The following AURKA variants were observed in gnomAD, a reference collection of about 807,000 sequenced individuals.
The protein encoded by AURKA is aurora 2.
A neutral mutation model predicts 40.9 loss-of-function variants in AURKA; 12 were observed. That is an observed-to-expected ratio of 0.29 (90% CI 0.19 to 0.48). The LOEUF (loss-of-function observed/expected upper bound fraction) is 0.48, where lower values mean the gene tolerates loss of function less well. Ranked by LOEUF, AURKA falls within the 20% of genes least tolerant of loss-of-function variation. The pLI is 0.99. For synonymous variants in AURKA, 170 were observed against 164.3 expected, an observed-to-expected ratio of 1.03 and a Z score of -0.26; for missense variants, 322 against 462.1, an observed-to-expected ratio of 0.70 and a Z score of 2.78.
chr20:56,389,954 A>G (rs566640302), intron 1 of AURKA, among the ~76,000 whole-genome samples: 24 of 152,038 alleles, frequency 1.6e-4, no homozygotes, highest in African/African-American at 5.6e-4. Context: ...CAGCCTCCCA[A>G]TGGCCTCCCC....
Position 56,373,621 on chromosome 20 carries a change from C to A in AURKA, c.706-65G>T. The A allele has an allele frequency of 1.9e-6, 3 of 1,572,002 alleles. No individual in the cohort carries two copies. The highest frequency in any genetic ancestry group is 1.7e-6 in the Non-Finnish European group (2 of 1,144,258). Reference sequence around the variant, plus strand: ...TATAACACAAGTTAATATTAGACATCTCTTCCGAAAGGAACACAACATAGA... The same window carrying A: ...TATAACACAAGTTAATATTAGACATATCTTCCGAAAGGAACACAACATAGA... On this transcript the variant is annotated intron_variant, in intron 6 of 8. Transcript: ENST00000395915. This position sits in a 1 kb window ranked among gnomAD's most constrained non-coding sequence, Gnocchi z 5.0.
intron 1 of AURKA, among the ~76,000 whole-genome samples, chr20:56,391,759 C>T (rs971613277): frequency 6.6e-6 from 1 of 152,106 alleles, no homozygotes; most frequent in Non-Finnish European, 1.5e-5. Context: ...TCTGTAACAC[C>T]CACCCCAGCT....
Position 56,373,591 on chromosome 20 carries a change from T to C in AURKA, c.706-35A>G. ...CAATATTGAAAGCCTATGTTTTAGA[T>C]TTTATATAACACAAGTTAATATTAG... is the stretch of plus-strand genomic sequence containing the variant. On this transcript the variant is annotated intron_variant, in intron 6 of 8. Coordinates refer to ENST00000395915, the MANE Select transcript of AURKA (RefSeq NM_198437.3). This position sits in a 1 kb window ranked among gnomAD's most constrained non-coding sequence, Gnocchi z 5.0. 1 of 1,603,166 alleles carries C rather than the reference T, an allele frequency of 6.2e-7. No individual in the cohort carries two copies. Among genetic ancestry groups the C allele is most frequent in the Non-Finnish European group, 8.5e-7 (1 of 1,170,174 alleles).
At chr20:56,386,589 T>A (rs574092335) in intron 2 of AURKA, 56 bp from the exon 3 acceptor site, 1 of 1,597,120 alleles carries the variant, frequency 6.3e-7, no homozygotes, top group African/African-American at 1.3e-5. Context: ...AAGATGAATA[T>A]ATTGAGAATT....
chr20:56,377,596 G>C (rs2146163251), intron 6 of AURKA, among the ~76,000 whole-genome samples: 1 of 152,190 alleles, frequency 6.6e-6, no homozygotes, highest in African/African-American at 2.4e-5. Context: ...AGACCATCCT[G>C]GCCAACATGG....
At position 56,383,173 on chromosome 20, in the gene AURKA, C is replaced by T. The variant is rs1456483466; in HGVS notation, c.378G>A (p.Arg126=). 8 of 1,614,086 alleles carry T rather than the reference C, an allele frequency of 5.0e-6. No individual in the cohort carries two copies. Among genetic ancestry groups the T allele is most frequent in the Non-Finnish European group, 6.8e-6 (8 of 1,179,994 alleles). The change falls in exon 5 of 9, where the codon AGG becomes AGA. Residue 126 remains arginine (R), a synonymous_variant. Transcript: ENST00000395915. The part of the protein sequence containing the change: ...SKQKNEESKK[R]QWALEDFEIG... ...TTTCAAAGTCTTCCAAAGCCCACTGCCTCCTAGGAGGAATTTGAACACTTT... is the reference window on the plus strand; with the variant it reads ...TTTCAAAGTCTTCCAAAGCCCACTGTCTCCTAGGAGGAATTTGAACACTTT...
chr20:56,375,335 C>G (rs1405020920), intron 6 of AURKA, among the ~76,000 whole-genome samples: 1 of 130,286 alleles, frequency 7.7e-6, no homozygotes, highest in Non-Finnish European at 1.6e-5. Context: ...TTTGTAGAGA[C>G]AGTCTCCCCA....
chr20:56,381,017 G>A (rs372856439), intron 6 of AURKA, among the ~76,000 whole-genome samples: 4 of 152,056 alleles, frequency 2.6e-5, no homozygotes, highest in East Asian at 3.9e-4. Flanking sequence ...GTACAATGGT[G>A]TGCACCTGTA....
rs528881623 is a variant in AURKA, at chr20:56,389,386, G to A, written c.-5-1184C>T. Among the ~76,000 whole-genome samples, 7 of 152,246 alleles carry A rather than the reference G, an allele frequency of 4.6e-5. No homozygotes were observed. The South Asian group carries it at 1.4e-3, about 32-fold the overall frequency. On this transcript the variant is annotated intron_variant, in intron 1 of 8. Coordinates refer to ENST00000395915, the MANE Select transcript of AURKA (RefSeq NM_198437.3). ...CAGGATCTCCCAAAAATGTCTGCCAGGCACCTCAATCCTAACATATCCAAA... is the reference window on the plus strand; with the variant it reads ...CAGGATCTCCCAAAAATGTCTGCCAAGCACCTCAATCCTAACATATCCAAA...
At chr20:56,378,198 G>A (rs999308164) in intron 6 of AURKA, among the ~76,000 whole-genome samples, 3 of 152,032 alleles carry the variant, frequency 2.0e-5, no homozygotes, top group East Asian at 1.9e-4. Context: ...ATCAAATGTT[G>A]GCAACTATGA....
In AURKA at chr20:56,370,293, G is replaced by T. The variant is rs959976609; in HGVS notation, c.1077C>A (p.Leu359=). 6 of 1,614,210 alleles carry T rather than the reference G, an allele frequency of 3.7e-6. No individual in the cohort carries two copies. Among genetic ancestry groups the T allele is most frequent in the East Asian group, 4.5e-5 (2 of 44,888 alleles). ...PDFVTEGARD[L]ISRLLKHNPS... is the part of the protein sequence containing the mutation. ...GATTATGCTTCAACAGTCTTGAAAT[G>T]AGGTCCCTGGCTCCCTCTGTTACAA... Residue 359 remains leucine (L), a synonymous_variant, in exon 9 of 9, where the codon CTC becomes CTA. Coordinates refer to ENST00000395915, the MANE Select transcript of AURKA (RefSeq NM_198437.3).
Position 56,369,737 on chromosome 20 carries a change from C to G in AURKA, c.*421G>C. 1 of 367,646 alleles carries G rather than the reference C, an allele frequency of 2.7e-6. No individual in the cohort carries two copies. Among genetic ancestry groups the G allele is most frequent in the Non-Finnish European group, 5.1e-6 (1 of 196,526 alleles). 22.8% of individuals were successfully genotyped at this position (367,646 alleles called of 1,614,324 possible). On this transcript the variant is annotated 3_prime_UTR_variant, in exon 9 of 9. Coordinates refer to ENST00000395915, the MANE Select transcript of AURKA (RefSeq NM_198437.3). ...ATTCCAACAGCTTTACCAGGCTTCG[C>G]CAACCCAATAAGTTACACACTCACT... is the stretch of plus-strand genomic sequence containing the variant.
At chr20:56,390,302 G>A (rs1266619017) in intron 1 of AURKA, among the ~76,000 whole-genome samples, 1 of 147,714 alleles carries the variant, frequency 6.8e-6, no homozygotes, top group African/African-American at 2.6e-5. Flanking sequence ...TCATTTCACT[G>A]AGGTTTCTTT....
Position 56,386,322 on chromosome 20 carries a change from G to C in AURKA, c.254C>G (p.Pro85Arg). ...ATTCAGTGGCCTGGAGACAGGATGA[G>C]GTACACTGGTTGCCTGCAATTGCTT... ...KQKQLQATSV[P>R]HPVSRPLNNT... Residue 85 changes from proline (P) to arginine (R), a missense_variant, in exon 3 of 9, where the codon CCT becomes CGT. By Grantham distance (103) the Pro-to-Arg change is moderately radical (BLOSUM62 -2). Transcript: ENST00000395915. The C allele has an allele frequency of 6.2e-7, 1 of 1,614,198 alleles. No individual in the cohort carries two copies. Among genetic ancestry groups the C allele is most frequent in the Non-Finnish European group, 8.5e-7 (1 of 1,180,040 alleles).
At chr20:56,381,993 G>A (rs569748915) in intron 5 of AURKA, among the ~76,000 whole-genome samples, 4 of 152,098 alleles carry the variant, frequency 2.6e-5, no homozygotes, top group African/African-American at 7.2e-5. Flanking sequence ...GTGAAACCTC[G>A]TCTCTACTAA....
chr20:56,385,279 G>A (rs768110555), intron 3 of AURKA, among the ~76,000 whole-genome samples: 79 of 152,228 alleles, frequency 5.2e-4, no homozygotes, highest in Admixed American at 1.2e-3. Context: ...AAGAGATGAC[G>A]TGGATGAAGC....
chr20:56,379,335 G>A (rs1201100842), intron 6 of AURKA, among the ~76,000 whole-genome samples: 1 of 152,274 alleles, frequency 6.6e-6, no homozygotes, highest in African/African-American at 2.4e-5. Flanking sequence ...CTTTTGGAGT[G>A]GGAGTTTACA....
intron 5 of AURKA, 29 bp downstream of exon 5, chr20:56,382,956 T>C: frequency 6.2e-7 from 1 of 1,611,858 alleles, no homozygotes; most frequent in South Asian, 1.1e-5. Flanking sequence ...TTGGTGAACA[T>C]TCTTTTGAAC....
chr20:56,373,522 C>A lies in AURKA; in HGVS notation c.740G>T (p.Cys247Phe). ...ITELANALSY[C>F]HSKRVIHRDI... is the part of the protein sequence containing the mutation. The stretch of plus-strand genomic sequence containing the variant: ...TCTATGAATAACTCTCTTCGAATGA[C>A]AGTAAGACAGGGCATTTGCCAATTC... Residue 247 changes from cysteine (C) to phenylalanine (F), a missense_variant, in exon 7 of 9, where the codon TGT becomes TTT. Physicochemically the swap from Cys to Phe is radical, Grantham distance 205 (BLOSUM62 -2). Transcript: ENST00000395915. This position sits in a 1 kb window ranked among gnomAD's most constrained non-coding sequence, Gnocchi z 5.0. The A allele has an allele frequency of 1.2e-6, 2 of 1,614,202 alleles. No individual in the cohort carries two copies. Among genetic ancestry groups the A allele is most frequent in the Non-Finnish European group, 1.7e-6 (2 of 1,180,038 alleles).
Sources: allele counts gnomAD v4.1 joint callset (sites outside exome capture counted in the v4.1 genomes callset), GRCh38; gene constraint gnomAD v4.1.1; non-coding constraint Gnocchi (gnomAD v3.1); transcripts MANE v1.5; gene names NCBI Gene and HGNC (gene_info 2026-07-23, HGNC 2026-07-21).